TNFRSF12A: variants seen among roughly 807,000 people sequenced by gnomAD.
TNFRSF12A encodes the protein tumor necrosis factor receptor superfamily member 12A.
TNFRSF12A carries 13 observed loss-of-function variants against 15.5 expected under a neutral mutation model. The observed-to-expected ratio is 0.84, with a 90% CI of 0.54 to 1.33. The LOEUF (loss-of-function observed/expected upper bound fraction) is 1.33, where lower values mean the gene tolerates loss of function less well. TNFRSF12A is among the 40% of genes most tolerant of loss of function. The pLI is 0.00. For synonymous variants in TNFRSF12A, 89 were observed against 78.4 expected, an observed-to-expected ratio of 1.14 and a Z score of -0.71; for missense variants, 174 against 173.6, an observed-to-expected ratio of 1.00 and a Z score of -0.01.
chr16:3,021,835 C>A lies in TNFRSF12A; in HGVS notation c.*9C>A. ...TGGCGCTGATCCAGTGACAATGTGC[C>A]CCCTGCCAGCCGGGGCTCGCCCACT... On this transcript the variant is annotated 3_prime_UTR_variant, in exon 4 of 4. Transcript: ENST00000326577. 6.2e-7 allele frequency: 1 copy of A among 1,612,060 alleles called. No homozygotes were observed. The highest frequency in any genetic ancestry group is 8.5e-7 in the Non-Finnish European group (1 of 1,179,532).
Position 3,021,764 on chromosome 16 carries a change from C to T in TNFRSF12A, c.335-7C>T. The T allele has an allele frequency of 6.2e-7, 1 of 1,612,428 alleles. No homozygotes were observed. Among genetic ancestry groups the T allele is most frequent in the Non-Finnish European group, 8.5e-7 (1 of 1,179,018 alleles). ...TGCTGCTGACGACCCCACCTCTTATCTTGCAGCCCCCATAGAGGAGACCGG... is the reference window on the plus strand; with the variant it reads ...TGCTGCTGACGACCCCACCTCTTATTTTGCAGCCCCCATAGAGGAGACCGG... On this transcript the variant is annotated splice_region_variant and splice_polypyrimidine_tract_variant and intron_variant, in intron 3 of 3. Coordinates refer to ENST00000326577, the MANE Select transcript of TNFRSF12A (RefSeq NM_016639.3).
chr16:3,021,271 G>C lies in TNFRSF12A; in HGVS notation c.151G>C (p.Asp51His). 1 of 1,593,996 alleles carries C rather than the reference G, an allele frequency of 6.3e-7. No individual in the cohort carries two copies. Among genetic ancestry groups the C allele is most frequent in the Non-Finnish European group, 8.5e-7 (1 of 1,174,990 alleles). The part of the protein sequence containing the change: ...SWSADLDKCM[D>H]CASCRARPHS... ...GAGCGCGGACCTGGACAAGTGCATG[G>C]ACTGCGCGTCTTGCAGGGCGCGACC... The change falls in exon 2 of 4, where the codon GAC (aspartate) becomes CAC (histidine). Residue 51 changes from aspartate (D) to histidine (H), a missense_variant. Transcript: ENST00000326577.
At chr16:3,020,744 C>G (rs1338428465) in intron 1 of TNFRSF12A, 1 of 399,550 alleles carries the variant, frequency 2.5e-6, no homozygotes, top group Non-Finnish European at 4.4e-6. Context: ...CGAAGTACTT[C>G]GAATGGAGAG....
chr16:3,020,758 AAGTG>A (rs2151126728), intron 1 of TNFRSF12A: 2 of 399,582 alleles, frequency 5.0e-6, no homozygotes, highest in South Asian at 1.2e-4. Context: ...TGGAGAGAGA[AAGTG>A]AGTGAGGGCG....
intron 2 of TNFRSF12A, 85 bp from the exon 3 acceptor site, chr16:3,021,470 G>T (rs1596470214): frequency 4.8e-6 from 7 of 1,459,702 alleles, no homozygotes; most frequent in South Asian, 2.8e-5. Context: ...AGGAGGCCAC[G>T]TTTGGGAGAA....
intron 3 of TNFRSF12A, 36 bp downstream of exon 3, chr16:3,021,725 C>T (rs1030837267): frequency 6.2e-7 from 1 of 1,611,364 alleles, no homozygotes; most frequent in Non-Finnish European, 8.5e-7. Context: ...CCTGTCAGCA[C>T]TCGACCTTTT....
In TNFRSF12A at chr16:3,020,376, C is replaced by A; in HGVS notation, c.-22C>A. 1 of 1,274,344 alleles carries A rather than the reference C, an allele frequency of 7.8e-7. No individual in the cohort carries two copies. The highest frequency in any genetic ancestry group is 9.9e-7 in the Non-Finnish European group (1 of 1,009,116). The allele number at this position is 1,274,344 out of a possible 1,614,324, so 78.9% of individuals were successfully genotyped here. A position where few individuals can be genotyped will look rare whatever the true frequency, so the allele number is the denominator to read the frequency against. Reference sequence around the variant, plus strand: ...GCCGGCCGGCGGCGGGCGCAGACAGCGGCGGGCGCAGGACGTGCACTATGG... The same window carrying A: ...GCCGGCCGGCGGCGGGCGCAGACAGAGGCGGGCGCAGGACGTGCACTATGG... On this transcript the variant is annotated 5_prime_UTR_variant, in exon 1 of 4. Coordinates refer to ENST00000326577, the MANE Select transcript of TNFRSF12A (RefSeq NM_016639.3).
chr16:3,021,638 C>T lies in TNFRSF12A; in HGVS notation c.283C>T (p.Leu95Phe), dbSNP rs2072613113. 6.2e-7 allele frequency: 1 copy of T among 1,613,752 alleles called. No individual in the cohort carries two copies. Among genetic ancestry groups the T allele is most frequent in the Non-Finnish European group, 8.5e-7 (1 of 1,179,984 alleles). The change falls in exon 3 of 4, where the codon CTT becomes TTT. Residue 95 changes from leucine (L) to phenylalanine (F), a missense_variant. Coordinates refer to ENST00000326577, the MANE Select transcript of TNFRSF12A (RefSeq NM_016639.3). ...GAGCCTGACCTTCGTGCTGGGGCTGCTTTCTGGCTTTTTGGTCTGGAGACG... is the reference window on the plus strand; with the variant it reads ...GAGCCTGACCTTCGTGCTGGGGCTGTTTTCTGGCTTTTTGGTCTGGAGACG... The part of the protein sequence containing the change: ...ALSLTFVLGL[L>F]SGFLVWRRCR...
At position 3,021,226 on chromosome 16, in the gene TNFRSF12A, T is replaced by G; in HGVS notation, c.106T>G (p.Cys36Gly). Reference protein sequence around the residue: ...AGEQAPGTAPCSRGSSWSADL... With the variant: ...AGEQAPGTAPGSRGSSWSADL... ...GGCCCCCTCCCCAGGCACCGCCCCC[T>G]GCTCCCGCGGCAGCTCCTGGAGCGC... The change falls in exon 2 of 4, where the codon TGC becomes GGC. Residue 36 changes from cysteine to glycine, a missense_variant. By Grantham distance (159) the Cys-to-Gly change is radical (BLOSUM62 -3). Transcript: ENST00000326577. 2 of 1,577,692 alleles carry G rather than the reference T, an allele frequency of 1.3e-6. No homozygotes were observed. Among genetic ancestry groups the G allele is most frequent in the Non-Finnish European group, 1.7e-6 (2 of 1,167,728 alleles).
chr16:3,020,479 G>A lies in TNFRSF12A; in HGVS notation c.82G>A (p.Glu28Lys), dbSNP rs759792091. Residue 28 changes from glutamate to lysine, a missense_variant, in exon 1 of 4, where the codon GAG becomes AAG. Transcript: ENST00000326577. ...GGCGTTGCTGCGCTCCGTGGCCGGG[G>A]AGCAAGCGCCAGGTACGCGGGACTC... is the stretch of plus-strand genomic sequence containing the variant. ...WLALLRSVAG[E>K]QAPGTAPCSR... 1 of 1,294,354 alleles carries A rather than the reference G, an allele frequency of 7.7e-7. No individual in the cohort carries two copies. Among genetic ancestry groups the A allele is most frequent in the Non-Finnish European group, 9.8e-7 (1 of 1,019,930 alleles). The allele number at this position is 1,294,354 out of a possible 1,614,324, so 80.2% of individuals were successfully genotyped here. A position where few individuals can be genotyped will look rare whatever the true frequency, so the allele number is the denominator to read the frequency against.
chr16:3,021,208 T>A lies in TNFRSF12A; in HGVS notation c.95-7T>A. The A allele has an allele frequency of 4.0e-6, 6 of 1,497,162 alleles. No homozygotes were observed. Among genetic ancestry groups the A allele is most frequent in the Non-Finnish European group, 4.5e-6 (5 of 1,108,904 alleles). The allele number at this position is 1,497,162 out of a possible 1,614,324, so 92.7% of individuals were successfully genotyped here. A position where few individuals can be genotyped will look rare whatever the true frequency, so the allele number is the denominator to read the frequency against. ...CCCCAGCCTCTGACCCGAGGCCCCCTCCCCAGGCACCGCCCCCTGCTCCCG... is the reference window on the plus strand; with the variant it reads ...CCCCAGCCTCTGACCCGAGGCCCCCACCCCAGGCACCGCCCCCTGCTCCCG... On this transcript the variant is annotated splice_polypyrimidine_tract_variant and splice_region_variant and intron_variant, in intron 1 of 3. Coordinates refer to ENST00000326577, the MANE Select transcript of TNFRSF12A (RefSeq NM_016639.3).
Position 3,022,161 on chromosome 16 carries a change from C to T in TNFRSF12A, c.*335C>T. On this transcript the variant is annotated 3_prime_UTR_variant, in exon 4 of 4. Coordinates refer to ENST00000326577, the MANE Select transcript of TNFRSF12A (RefSeq NM_016639.3). ...GGGCCAGGCTGACTTGGGGGGCAGA[C>T]TTGACACTAGGCCCCACTCACTCAG... The T allele has an allele frequency of 2.3e-6, 1 of 437,458 alleles. No individual in the cohort carries two copies. The highest frequency in any genetic ancestry group is 4.0e-6 in the Non-Finnish European group (1 of 249,034). The allele number at this position is 437,458 out of a possible 1,614,324, so 27.1% of individuals were successfully genotyped here. A position where few individuals can be genotyped will look rare whatever the true frequency, so the allele number is the denominator to read the frequency against.
chr16:3,021,047 C>T, intron 1 of TNFRSF12A, 168 bp from the exon 2 acceptor site: 1 of 465,448 alleles, frequency 2.1e-6, no homozygotes, highest in Non-Finnish European at 3.8e-6. Flanking sequence ...CCGCGCTACG[C>T]CCTCCCTCCC....
chr16:3,021,299 A>C lies in TNFRSF12A; in HGVS notation c.179A>C (p.His60Pro). The change falls in exon 2 of 4, where the codon CAC becomes CCC. Residue 60 changes from histidine (H) to proline (P), a missense_variant. Transcript: ENST00000326577. ...MDCASCRARP[H>P]SDFCLGCAAA... ...TGCGCGTCTTGCAGGGCGCGACCGC[A>C]CAGCGACTTCTGCCTGGGCTGTGAG... The C allele has an allele frequency of 6.3e-7, 1 of 1,585,934 alleles. No individual in the cohort carries two copies. Among genetic ancestry groups the C allele is most frequent in the Non-Finnish European group, 8.5e-7 (1 of 1,171,616 alleles).
In TNFRSF12A at chr16:3,021,272, A is replaced by G. The variant is rs760544435; in HGVS notation, c.152A>G (p.Asp51Gly). The change falls in exon 2 of 4, where the codon GAC becomes GGC. Residue 51 changes from aspartate to glycine, a missense_variant. Coordinates refer to ENST00000326577, the MANE Select transcript of TNFRSF12A (RefSeq NM_016639.3). ...AGCGCGGACCTGGACAAGTGCATGG[A>G]CTGCGCGTCTTGCAGGGCGCGACCG... ...SWSADLDKCM[D>G]CASCRARPHS... 2 of 1,592,570 alleles carry G rather than the reference A, an allele frequency of 1.3e-6. No homozygotes were observed. The highest frequency in any genetic ancestry group is 3.5e-5 in the Admixed American group (2 of 57,534).
rs780713668 is a variant in TNFRSF12A at position 3,021,829 on chromosome 16, A to G, written c.*3A>G. On this transcript the variant is annotated 3_prime_UTR_variant, in exon 4 of 4. Coordinates refer to ENST00000326577, the MANE Select transcript of TNFRSF12A (RefSeq NM_016639.3). ...CAGCTGTGGCGCTGATCCAGTGACAATGTGCCCCCTGCCAGCCGGGGCTCG... is the reference window on the plus strand; with the variant it reads ...CAGCTGTGGCGCTGATCCAGTGACAGTGTGCCCCCTGCCAGCCGGGGCTCG... 1.1e-5 allele frequency: 17 copies of G among 1,612,378 alleles called. No homozygotes were observed. The highest frequency in any genetic ancestry group is 2.7e-5 in the African/African-American group (2 of 74,876).
Position 3,021,855 on chromosome 16 carries a change from C to T in TNFRSF12A, c.*29C>T. The T allele has an allele frequency of 6.2e-7, 1 of 1,607,280 alleles. No homozygotes were observed. The highest frequency in any genetic ancestry group is 8.5e-7 in the Non-Finnish European group (1 of 1,177,820). ...TGTGCCCCCTGCCAGCCGGGGCTCG[C>T]CCACTCATCATTCATTCATCCATTC... On this transcript the variant is annotated 3_prime_UTR_variant, in exon 4 of 4. Coordinates refer to ENST00000326577, the MANE Select transcript of TNFRSF12A (RefSeq NM_016639.3).
chr16:3,022,089 A>G lies in TNFRSF12A; in HGVS notation c.*263A>G. On this transcript the variant is annotated 3_prime_UTR_variant, in exon 4 of 4. Coordinates refer to ENST00000326577, the MANE Select transcript of TNFRSF12A (RefSeq NM_016639.3). Reference sequence around the variant, plus strand: ...CAGCTGACACTGACTAAGGAACTGCAGCATTTGCACAGGGGAGGGGGGTGC... The same window carrying G: ...CAGCTGACACTGACTAAGGAACTGCGGCATTTGCACAGGGGAGGGGGGTGC... 1 of 495,022 alleles carries G rather than the reference A, an allele frequency of 2.0e-6. No individual in the cohort carries two copies. Among genetic ancestry groups the G allele is most frequent in the Non-Finnish European group, 3.5e-6 (1 of 281,864 alleles). 30.7% of individuals were successfully genotyped at this position (495,022 alleles called of 1,614,324 possible). A position where few individuals can be genotyped will look rare whatever the true frequency, so the allele number is the denominator to read the frequency against.
chr16:3,021,317 G>A lies in TNFRSF12A; in HGVS notation c.197G>A (p.Gly66Asp). ...CGACCGCACAGCGACTTCTGCCTGG[G>A]CTGTGAGTGGGGGGCAGGGCCAGTG... is the stretch of plus-strand genomic sequence containing the variant. ...RARPHSDFCL[G>D]CAAAPPAPFR... The change falls in exon 2 of 4, where the codon GGC becomes GAC. Residue 66 changes from glycine to aspartate, a missense_variant and splice_region_variant. Gly to Asp is a moderately conservative substitution (Grantham distance 94). Coordinates refer to ENST00000326577, the MANE Select transcript of TNFRSF12A (RefSeq NM_016639.3). 1 of 1,575,716 alleles carries A rather than the reference G, an allele frequency of 6.3e-7. No individual in the cohort carries two copies.
Sources: allele counts gnomAD v4.1 joint callset, GRCh38; gene constraint gnomAD v4.1.1; transcripts MANE v1.5; gene names NCBI Gene and HGNC (gene_info 2026-07-23, HGNC 2026-07-21).